The following ARHGAP10 variants were observed in gnomAD, a reference collection of about 807,000 sequenced individuals.
ARHGAP10 encodes Rho GTPase activating protein 10, also known as rho GTPase-activating protein 10.
ARHGAP10 carries 87 observed loss-of-function variants against 108.6 expected under a neutral mutation model. That is an observed-to-expected ratio of 0.80 (90% CI 0.67 to 0.96). The LOEUF is 0.96. Among genes scored for constraint, ARHGAP10 ranks in the 40% least tolerant of loss-of-function variants. The pLI, the probability that ARHGAP10 is intolerant of heterozygous loss-of-function variation, is 0.00. For missense variants in ARHGAP10, 939 were observed against 954.5 expected (o/e 0.98, Z 0.21); for synonymous variants, 347 against 341.1 (o/e 1.02, Z -0.19).
chr4:147,976,350 TAGC>T (rs993158664), intron 18 of ARHGAP10, among the ~76,000 whole-genome samples: 4 of 152,172 alleles, frequency 2.6e-5, no homozygotes, highest in Middle Eastern at 3.2e-3. Flanking sequence ...ACAACAACAA[TAGC>T]AGCAGCAATA....
chr4:147,735,702 G>T (rs1381962126), intron 1 of ARHGAP10, among the ~76,000 whole-genome samples: 1 of 152,190 alleles, frequency 6.6e-6, no homozygotes, highest in Non-Finnish European at 1.5e-5. Flanking sequence ...TGAAGTTGGG[G>T]ATAGCGCTAG....
At chr4:147,803,384 A>T (rs1455411434) in intron 1 of ARHGAP10, among the ~76,000 whole-genome samples, 1 of 152,224 alleles carries the variant, frequency 6.6e-6, no homozygotes, top group Admixed American at 6.5e-5. Flanking sequence ...ATACATGCAT[A>T]CAATGTGTAA....
chr4:147,764,729 T>G (rs1729724129), intron 1 of ARHGAP10, among the ~76,000 whole-genome samples: 1 of 151,838 alleles, frequency 6.6e-6, no homozygotes, highest in Admixed American at 6.6e-5. Flanking sequence ...GAGACGGAGT[T>G]TCGCTATGTT....
chr4:147,904,700 A>C (rs576882257), intron 10 of ARHGAP10, among the ~76,000 whole-genome samples: 200 of 152,326 alleles, frequency 1.3e-3, no homozygotes, highest in African/African-American at 4.4e-3. Flanking sequence ...ATACGTGTGC[A>C]TGTGTCTTTA....
intron 19 of ARHGAP10, among the ~76,000 whole-genome samples, chr4:148,037,768 G>C (rs990841482): frequency 6.6e-6 from 1 of 151,776 alleles, no homozygotes; most frequent in African/African-American, 2.4e-5. Flanking sequence ...CCAGGAGGTG[G>C]AGGTTGCAGT....
chr4:147,836,978 G>A lies in ARHGAP10; in HGVS notation c.313-10173G>A, dbSNP rs543577920. ...TAGGGCAGAGCCAAAATGAAAACAC[G>A]TTGGCCTCCTATTTTTCCGTGCTGG... On this transcript the variant is annotated intron_variant, in intron 3 of 22. Transcript: ENST00000336498. Among the ~76,000 whole-genome samples the A allele has an allele frequency of 2.0e-3, 306 of 152,238 alleles. 4 individuals are homozygous for A. The highest frequency in any genetic ancestry group is 2.8e-3 in the Non-Finnish European group (190 of 68,014).
intron 18 of ARHGAP10, among the ~76,000 whole-genome samples, chr4:147,999,547 G>C (rs1266150509): frequency 2.0e-5 from 3 of 152,182 alleles, no homozygotes; most frequent in Non-Finnish European, 1.5e-5. Flanking sequence ...TTGCCGCTCT[G>C]GATCAGGTTA....
At chr4:147,854,220 C>G (rs923226979) in intron 4 of ARHGAP10, among the ~76,000 whole-genome samples, 1 of 152,116 alleles carries the variant, frequency 6.6e-6, no homozygotes, top group East Asian at 1.9e-4. Flanking sequence ...TGTTTGGCTT[C>G]CTCGTGTTGT....
chr4:147,918,365 G>A (rs1737080493), intron 13 of ARHGAP10, among the ~76,000 whole-genome samples: 1 of 152,070 alleles, frequency 6.6e-6, no homozygotes, highest in African/African-American at 2.4e-5. Context: ...TTGATCTCCT[G>A]ACCTCGTGAT....
chr4:147,875,767 T>C (rs1735033321), intron 8 of ARHGAP10, among the ~76,000 whole-genome samples: 1 of 152,238 alleles, frequency 6.6e-6, no homozygotes, highest in South Asian at 2.1e-4. Flanking sequence ...TTTTTAGTCT[T>C]TGTTGCTGTC....
intron 1 of ARHGAP10, among the ~76,000 whole-genome samples, chr4:147,816,342 A>C (rs113446210): frequency 7.9e-5 from 12 of 152,108 alleles, no homozygotes; most frequent in African/African-American, 2.9e-4. Flanking sequence ...CATGTGCAAT[A>C]TTGGCCTTGA....
At chr4:148,012,791 G>A (rs185472122) in intron 18 of ARHGAP10, among the ~76,000 whole-genome samples, 134 of 152,176 alleles carry the variant, frequency 8.8e-4, no homozygotes, top group African/African-American at 2.9e-3. Context: ...TCCATATATA[G>A]TTGTATTAAA....
intron 13 of ARHGAP10, among the ~76,000 whole-genome samples, chr4:147,938,588 C>T (rs1027041207): frequency 2.6e-5 from 4 of 152,188 alleles, no homozygotes; most frequent in Admixed American, 6.5e-5. Flanking sequence ...GAGGTTTCCT[C>T]TCTTCCTCAT....
intron 10 of ARHGAP10, among the ~76,000 whole-genome samples, chr4:147,886,536 C>T (rs1018869066): frequency 6.6e-6 from 1 of 152,198 alleles, no homozygotes; most frequent in Admixed American, 6.5e-5. Flanking sequence ...TCTTCCTTAA[C>T]TAGTTGAAAT....
At chr4:148,034,026 A>G (rs1728265057) in intron 19 of ARHGAP10, among the ~76,000 whole-genome samples, 1 of 152,172 alleles carries the variant, frequency 6.6e-6, no homozygotes, top group East Asian at 1.9e-4. Flanking sequence ...GATGTTGTTT[A>G]TGATCTCAGC....
intron 1 of ARHGAP10, among the ~76,000 whole-genome samples, chr4:147,801,089 A>T (rs1032759004): frequency 3.3e-5 from 5 of 152,272 alleles, no homozygotes; most frequent in African/African-American, 1.2e-4. Flanking sequence ...AACAGGCGTG[A>T]GCCACCGTGC....
intron 16 of ARHGAP10, among the ~76,000 whole-genome samples, chr4:147,959,980 C>T (rs941443833): frequency 9.9e-5 from 15 of 152,028 alleles, no homozygotes; most frequent in Non-Finnish European, 1.6e-4. Flanking sequence ...TTAATTTTTG[C>T]GATATAAAAT....
At chr4:147,751,104 G>A (rs1272714437) in intron 1 of ARHGAP10, among the ~76,000 whole-genome samples, 2 of 151,592 alleles carry the variant, frequency 1.3e-5, no homozygotes, top group African/African-American at 4.8e-5. Context: ...TCTTGAACCC[G>A]GAAGGCAGAG....
chr4:147,891,319 A>T (rs1276714094), intron 10 of ARHGAP10, among the ~76,000 whole-genome samples: 2 of 152,246 alleles, frequency 1.3e-5, no homozygotes, highest in Non-Finnish European at 2.9e-5. Flanking sequence ...GACACTTGAG[A>T]ACATAATGCT....
Sources: allele counts gnomAD v4.1 joint callset (sites outside exome capture counted in the v4.1 genomes callset), GRCh38; gene constraint gnomAD v4.1.1; transcripts MANE v1.5; gene names NCBI Gene and HGNC (gene_info 2026-07-23, HGNC 2026-07-21).